TRNT1: variants seen among roughly 807,000 people sequenced by gnomAD.
TRNT1 encodes the protein tRNA nucleotidyl transferase 1, also known as CCA tRNA nucleotidyltransferase 1, mitochondrial.
A neutral mutation model predicts 45.6 loss-of-function variants in TRNT1; 44 were observed. The ratio of observed to expected loss-of-function variants is 0.97; its 90% CI spans 0.76 to 1.24. The LOEUF (loss-of-function observed/expected upper bound fraction) is 1.24. Among genes scored for constraint, TRNT1 ranks in the 50% most tolerant of loss-of-function variants. The pLI is 0.00. For missense variants in TRNT1, 633 were observed against 504.4 expected (o/e 1.25, Z -2.44); for synonymous variants, 201 against 171.4 (o/e 1.17, Z -1.35).
downstream of TRNT1, chr3:3,152,496 G>C (rs936055106): frequency 6.2e-7 from 1 of 1,613,874 alleles, no homozygotes; most frequent in Non-Finnish European, 8.5e-7. Flanking sequence ...CGGCCTATCA[G>C]ATTCAAGTTG....
Position 3,137,375 on chromosome 3 carries a change from A to C in TRNT1, c.264A>C (p.Gln88His). Reference sequence around the variant, plus strand: ...TTGCCACCACTGCTACCCCTACTCAAATGAAGGAGATGTTTCAGTCGGCTG... The same window carrying C: ...TTGCCACCACTGCTACCCCTACTCACATGAAGGAGATGTTTCAGTCGGCTG... ...IDFATTATPT[Q>H]MKEMFQSAGI... is the part of the protein sequence containing the mutation. Residue 88 changes from glutamine (Q) to histidine (H), a missense_variant, in exon 3 of 8, where the codon CAA becomes CAC. Physicochemically the swap from Gln to His is conservative, Grantham distance 24 (BLOSUM62 0). Coordinates refer to ENST00000251607, the MANE Select transcript of TRNT1 (RefSeq NM_182916.3). 1 of 1,613,962 alleles carries C rather than the reference A, an allele frequency of 6.2e-7. No homozygotes were observed. The highest frequency in any genetic ancestry group is 8.5e-7 in the Non-Finnish European group (1 of 1,179,896).
intron 2 of TRNT1, among the ~76,000 whole-genome samples, chr3:3,135,489 C>T (rs1009102173): frequency 2.0e-5 from 3 of 152,134 alleles, no homozygotes; most frequent in Non-Finnish European, 4.4e-5. Flanking sequence ...CAGAAGTGGG[C>T]TTTCATGGGA....
chr3:3,136,555 A>G lies in TRNT1; in HGVS notation c.149-705A>G, dbSNP rs367978381. ...GCGTGAACATCCTGCCTCAACATCT[A>G]TCTGTAAACACAGAGAAATACAAGA... On this transcript the variant is annotated intron_variant, in intron 2 of 7. Transcript: ENST00000251607. The G allele has an allele frequency of 1.3e-4, 51 of 400,044 alleles. No individual in the cohort carries two copies. The East Asian group carries it at 1.5e-3, about 12-fold the overall frequency. The allele number at this position is 400,044 out of a possible 1,614,324, so 24.8% of individuals were successfully genotyped here. A position where few individuals can be genotyped will look rare whatever the true frequency, so the allele number is the denominator to read the frequency against.
chr3:3,150,954 AT>A, downstream of TRNT1: 1 of 1,614,024 alleles, frequency 6.2e-7, no homozygotes. Context: ...AAGCCCCAAA[AT>A]TTTTGAGGTG....
chr3:3,151,102 C>T (rs2126047716), downstream of TRNT1: 3 of 1,569,286 alleles, frequency 1.9e-6, no homozygotes, highest in Non-Finnish European at 2.6e-6. Context: ...CCAAGCCTAT[C>T]ATATAAACCT....
downstream of TRNT1, among the ~76,000 whole-genome samples, chr3:3,152,226 C>T (rs552062628): frequency 1.3e-5 from 2 of 151,230 alleles, no homozygotes; most frequent in Non-Finnish European, 2.9e-5. Flanking sequence ...TCTTGGCTCA[C>T]TGCAACACTC....
chr3:3,153,349 T>G, downstream of TRNT1: 1 of 898,064 alleles, frequency 1.1e-6, no homozygotes, highest in Non-Finnish European at 1.9e-6. Flanking sequence ...GAGGAAAGTT[T>G]ATGGAAAACA....
intron 4 of TRNT1, among the ~76,000 whole-genome samples, chr3:3,143,557 C>T (rs1705793627): frequency 6.6e-6 from 1 of 152,148 alleles, no homozygotes; most frequent in Admixed American, 6.5e-5. Flanking sequence ...TGCATCGTTG[C>T]CGATCTGAAA....
Position 3,140,663 on chromosome 3 carries a change from T to G in TRNT1, c.481+15T>G. 6.2e-7 allele frequency: 1 copy of G among 1,612,940 alleles called. No individual in the cohort carries two copies. Among genetic ancestry groups the G allele is most frequent in the Non-Finnish European group, 8.5e-7 (1 of 1,179,400 alleles). On this transcript the variant is annotated intron_variant, in intron 4 of 7. Coordinates refer to ENST00000251607, the MANE Select transcript of TRNT1 (RefSeq NM_182916.3). ...TATGTTTTTAGGTAATATTTGCAGA[T>G]AAAACCATATTGTGAGTCTATCAGA...
At chr3:3,143,325 A>G (rs1482073240) in intron 4 of TRNT1, among the ~76,000 whole-genome samples, 1 of 152,220 alleles carries the variant, frequency 6.6e-6, no homozygotes, top group Non-Finnish European at 1.5e-5. Flanking sequence ...CTACTAATTA[A>G]TACTTGAGGT....
At chr3:3,130,077 A>G (rs1030005928) in intron 2 of TRNT1, 29 of 1,075,338 alleles carry the variant, frequency 2.7e-5, no homozygotes, top group African/African-American at 1.9e-4. Context: ...TTGATTCTCA[A>G]TGTTGTCTGC....
chr3:3,144,116 G>A (rs546065594), intron 4 of TRNT1, among the ~76,000 whole-genome samples: 122 of 152,088 alleles, frequency 8.0e-4, no homozygotes, highest in Non-Finnish European at 8.7e-4. Flanking sequence ...TTATTTCTTC[G>A]AAAATCCTGT....
chr3:3,137,199 T>G (rs1705379362), intron 2 of TRNT1, 61 bp from the exon 3 acceptor site: 21 of 1,391,942 alleles, frequency 1.5e-5, no homozygotes, highest in Non-Finnish European at 1.9e-5. Context: ...CTTTTGTGGT[T>G]AAAATAAACA....
In TRNT1 at chr3:3,147,840, T is replaced by C. The variant is rs1017579577; in HGVS notation, c.1057-66T>C. ...AAATTTATGTTGAGTATTTAAATTT[T>C]AGGATAAGATTGTAAGTGTATGTTT... On this transcript the variant is annotated intron_variant, in intron 7 of 7. Coordinates refer to ENST00000251607, the MANE Select transcript of TRNT1 (RefSeq NM_182916.3). 8 of 1,540,772 alleles carry C rather than the reference T, an allele frequency of 5.2e-6. No individual in the cohort carries two copies. In the African/African-American group the frequency reaches 1.1e-4, roughly 21 times the overall value.
At chr3:3,152,677 A>AT (rs1222803393), downstream of TRNT1, 32 of 1,453,936 alleles carry the variant, frequency 2.2e-5, no homozygotes, top group East Asian at 7.1e-4. Flanking sequence ...TCACCAAGAA[A>AT]TGAGGTATGA....
chr3:3,143,000 C>T (rs1705751287), intron 4 of TRNT1, among the ~76,000 whole-genome samples: 1 of 152,110 alleles, frequency 6.6e-6, no homozygotes. Context: ...GTGAACTTAC[C>T]AATGTACTGT....
chr3:3,133,621 G>A (rs935672414), intron 2 of TRNT1, among the ~76,000 whole-genome samples: 1 of 152,036 alleles, frequency 6.6e-6, no homozygotes, highest in South Asian at 2.1e-4. Context: ...CAATGCAGAC[G>A]ATTTTTGCCT....
intron 4 of TRNT1, among the ~76,000 whole-genome samples, chr3:3,143,839 C>T (rs944788661): frequency 6.6e-6 from 1 of 152,120 alleles, no homozygotes; most frequent in African/African-American, 2.4e-5. Context: ...ACCAGGGTGA[C>T]AAAGTGAGAA....
chr3:3,140,442 T>G, intron 3 of TRNT1, 68 bp from the exon 4 acceptor site: 1 of 1,532,582 alleles, frequency 6.5e-7, no homozygotes, highest in Non-Finnish European at 8.9e-7. Context: ...AAAAACTTAT[T>G]TTTTTCAATT....
Sources: gnomAD v4.1 joint callset for allele counts (sites outside exome capture counted in the v4.1 genomes callset) on GRCh38, gnomAD v4.1.1 for gene constraint, MANE v1.5 for transcripts, NCBI Gene and HGNC (gene_info 2026-07-23, HGNC 2026-07-21) for gene names.